Variants in FCGR2A observed in about 807,000 individuals in gnomAD.
FCGR2A encodes the protein Fc gamma receptor IIa, also known as low affinity immunoglobulin gamma Fc region receptor II-a.
In FCGR2A, 18 loss-of-function variants were observed where a neutral mutation model predicts 29.3. The observed-to-expected ratio is 0.62, with a 90% CI of 0.43 to 0.91. The LOEUF (loss-of-function observed/expected upper bound fraction) is 0.91. FCGR2A is among the 40% of genes least tolerant of loss of function. The pLI, the probability that FCGR2A is intolerant of heterozygous loss-of-function variation, is 0.00. For synonymous variants in FCGR2A, 126 were observed against 144.8 expected, an observed-to-expected ratio of 0.87 and a Z score of 0.93; for missense variants, 287 against 393.0, an observed-to-expected ratio of 0.73 and a Z score of 2.28.
chr1:161,520,794 T>G (rs186557853), downstream of FCGR2A, among the ~76,000 whole-genome samples: 156 of 152,186 alleles, frequency 1.0e-3, 2 homozygotes, highest in Non-Finnish European at 3.5e-4. Context: ...TCACTTCTTT[T>G]CCCCAAATCA....
At chr1:161,506,056 A>T in intron 2 of FCGR2A, 49 bp downstream of exon 2, 1 of 1,586,158 alleles carries the variant, frequency 6.3e-7, no homozygotes, top group East Asian at 2.2e-5. Context: ...TATCCTCATA[A>T]TATGATGCTG....
chr1:161,510,187 C>T, intron 4 of FCGR2A, 113 bp downstream of exon 4: 2 of 1,540,622 alleles, frequency 1.3e-6, no homozygotes, highest in Non-Finnish European at 1.8e-6. Context: ...AAATTGGGCA[C>T]TGGAGCAAAG....
At position 161,510,899 on chromosome 1, in the gene FCGR2A, G is replaced by T. The variant is rs200908410; in HGVS notation, c.685G>T (p.Ala229Ser). ...GGCTGTGGTCATTGCGACTGCTGTA[G>T]CAGCCATTGTTGCTGCTGTAGTGGC... Reference protein sequence around the residue: ...IVAVVIATAVAAIVAAVVALI... With the variant: ...IVAVVIATAVSAIVAAVVALI... Residue 229 changes from alanine to serine, a missense_variant, in exon 5 of 7, where the codon GCA (alanine) becomes TCA (serine). Coordinates refer to ENST00000271450, the MANE Select transcript of FCGR2A (RefSeq NM_001136219.3). 4 of 1,613,970 alleles carry T rather than the reference G, an allele frequency of 2.5e-6. No homozygotes were observed. The East Asian group carries it at 8.9e-5, about 36-fold the overall frequency.
At chr1:161,523,107 A>G (rs1250244720), downstream of FCGR2A, 1 of 152,150 alleles carries the variant, frequency 6.6e-6, no homozygotes, top group Non-Finnish European at 1.5e-5. Context: ...ACCAGACTGT[A>G]CCACATACTC....
intron 3 of FCGR2A, among the ~76,000 whole-genome samples, chr1:161,509,377 A>G (rs550315909): frequency 6.6e-6 from 1 of 152,040 alleles, no homozygotes; most frequent in Non-Finnish European, 1.5e-5. Flanking sequence ...AGCATGTGGA[A>G]AAAAGGGGGG....
chr1:161,523,905 G>C (rs41297664), downstream of FCGR2A: 14 of 152,182 alleles, frequency 9.2e-5, no homozygotes, highest in African/African-American at 3.1e-4. Flanking sequence ...TTCTACCACT[G>C]AACCACCAAT....
intron 3 of FCGR2A, among the ~76,000 whole-genome samples, chr1:161,509,105 C>T (rs777469562): frequency 2.6e-5 from 4 of 152,178 alleles, no homozygotes; most frequent in Admixed American, 6.5e-5. Context: ...AAAAGAGGGC[C>T]GAGGGAGCTC....
At position 161,510,075 on chromosome 1, in the gene FCGR2A, G is replaced by A. The variant is rs1272422590; in HGVS notation, c.619+1G>A. ...AAGCCTGTGACCATCACTGTCCAAGGTATGGGGAGTCTGCCAAGATGTAGG... is the reference window on the plus strand; with the variant it reads ...AAGCCTGTGACCATCACTGTCCAAGATATGGGGAGTCTGCCAAGATGTAGG... On this transcript the variant is annotated splice_donor_variant, in intron 4 of 6. Coordinates refer to ENST00000271450, the MANE Select transcript of FCGR2A (RefSeq NM_001136219.3). LOFTEE classifies it high-confidence loss of function. 1 of 1,613,234 alleles carries A rather than the reference G, an allele frequency of 6.2e-7. No homozygotes were observed.
At chr1:161,517,172 T>C (rs1676193479) in intron 6 of FCGR2A, among the ~76,000 whole-genome samples, 1 of 151,294 alleles carries the variant, frequency 6.6e-6, no homozygotes. Flanking sequence ...AAGAATACTC[T>C]GAATTCCTTT....
intron 3 of FCGR2A, among the ~76,000 whole-genome samples, chr1:161,507,024 A>G (rs149659551): frequency 4.5e-4 from 68 of 152,184 alleles, no homozygotes; most frequent in Non-Finnish European, 7.8e-4. Flanking sequence ...TTCAGTCTGG[A>G]AGATGAGGTC....
rs1675668421 is a variant in FCGR2A, at chr1:161,510,091, A to G, written c.619+17A>G. 2 of 1,612,944 alleles carry G rather than the reference A, an allele frequency of 1.2e-6. No homozygotes were observed. Among genetic ancestry groups the G allele is most frequent in the Non-Finnish European group, 1.7e-6 (2 of 1,178,944 alleles). Reference sequence around the variant, plus strand: ...CTGTCCAAGGTATGGGGAGTCTGCCAAGATGTAGGGAGGGGAGAAGAGGGG... The same window carrying G: ...CTGTCCAAGGTATGGGGAGTCTGCCGAGATGTAGGGAGGGGAGAAGAGGGG... On this transcript the variant is annotated intron_variant, in intron 4 of 6. Coordinates refer to ENST00000271450, the MANE Select transcript of FCGR2A (RefSeq NM_001136219.3).
intron 1 of FCGR2A, 196 bp downstream of exon 1, chr1:161,505,748 A>G (rs1675344785): frequency 1.4e-6 from 1 of 709,552 alleles, no homozygotes; most frequent in South Asian, 1.6e-5. Context: ...AGTCCCTGGA[A>G]AGTCCATTCT....
downstream of FCGR2A, among the ~76,000 whole-genome samples, chr1:161,522,478 G>A (rs12121318): frequency 0.028 from 4,279 of 152,092 alleles, 137 homozygotes; most frequent in Non-Finnish European, 0.037. Context: ...GGGGCTGGAA[G>A]AGAAGGTTGG....
At chr1:161,511,225 C>T (rs1441079578) in intron 5 of FCGR2A, among the ~76,000 whole-genome samples, 2 of 152,166 alleles carry the variant, frequency 1.3e-5, no homozygotes. Flanking sequence ...TGTTGCCATT[C>T]TGGAGGAGGT....
chr1:161,511,940 T>TG (rs1675819850), intron 5 of FCGR2A, among the ~76,000 whole-genome samples: 1 of 151,982 alleles, frequency 6.6e-6, no homozygotes. Context: ...GGAGCAGCGA[T>TG]GGGGGGATGG....
chr1:161,523,887 G>C (rs574990144), downstream of FCGR2A: 1 of 151,996 alleles, frequency 6.6e-6, no homozygotes. Context: ...CCGCGTGGCA[G>C]GCGAGAATTC....
intron 6 of FCGR2A, among the ~76,000 whole-genome samples, chr1:161,515,340 C>T (rs1676083631): frequency 6.6e-6 from 1 of 152,208 alleles, no homozygotes; most frequent in Non-Finnish European, 1.5e-5. Flanking sequence ...TCAAATGAGC[C>T]AGGAGTATCT....
At chr1:161,506,205 G>A (rs962758425) in intron 2 of FCGR2A, 129 bp from the exon 3 acceptor site, 24 of 1,371,466 alleles carry the variant, frequency 1.7e-5, no homozygotes, top group Non-Finnish European at 2.2e-5. Flanking sequence ...TGAGGCCGCT[G>A]CAAGTACAGA....
At chr1:161,520,549 G>A (rs902724219), downstream of FCGR2A, among the ~76,000 whole-genome samples, 3 of 151,624 alleles carry the variant, frequency 2.0e-5, no homozygotes, top group African/African-American at 7.3e-5. Context: ...CTAGACAGAG[G>A]CTCCTCAAAT....
Sources: allele counts gnomAD v4.1 joint callset (sites outside exome capture counted in the v4.1 genomes callset), GRCh38; gene constraint gnomAD v4.1.1; transcripts MANE v1.5; gene names NCBI Gene and HGNC (gene_info 2026-07-23, HGNC 2026-07-21).